Variants in PRKN observed in about 807,000 individuals in gnomAD.
PRKN encodes E3 ubiquitin-protein ligase parkin.
PRKN carries 56 observed loss-of-function variants against 59.5 expected under a neutral mutation model. The observed-to-expected ratio is 0.94, with a 90% CI of 0.76 to 1.18. The LOEUF is 1.18. Among genes scored for constraint, PRKN ranks in the 50% most tolerant of loss-of-function variants. PRKN has a pLI of 0.00. For synonymous variants in PRKN, 250 were observed against 222.1 expected, an observed-to-expected ratio of 1.13 and a Z score of -1.12; for missense variants, 657 against 596.4, an observed-to-expected ratio of 1.10 and a Z score of -1.06.
In PRKN at chr6:161,354,762, T is replaced by G. The variant is rs1298944077; in HGVS notation, c.1286-4551A>C. On this transcript the variant is annotated intron_variant, in intron 11 of 11. Coordinates refer to ENST00000366898, the MANE Select transcript of PRKN (RefSeq NM_004562.3). This position sits in a 1 kb window ranked among gnomAD's most constrained non-coding sequence, Gnocchi z 6.7. ...TCGGTTTCGGTTACAGTGATGCACT[T>G]TTAAACAGTTTAGGCCATCGCTAAT... 6.6e-6 allele frequency among the ~76,000 whole-genome samples: 1 copy of G among 152,204 alleles called. No homozygotes were observed. The highest frequency in any genetic ancestry group is 2.4e-5 in the African/African-American group (1 of 41,442).
intron 7 of PRKN, among the ~76,000 whole-genome samples, chr6:161,572,489 G>T (rs1043281400): frequency 5.3e-5 from 8 of 151,936 alleles, no homozygotes; most frequent in Admixed American, 5.2e-4. Context: ...ATGAAACGCT[G>T]TTTCTACTAA....
At chr6:162,164,471 C>A (rs1782894759) in intron 4 of PRKN, among the ~76,000 whole-genome samples, 1 of 148,716 alleles carries the variant, frequency 6.7e-6, no homozygotes, top group Non-Finnish European at 1.5e-5. Flanking sequence ...CTTGGCCTCC[C>A]AAAGTGCTAA....
intron 3 of PRKN, among the ~76,000 whole-genome samples, chr6:162,204,327 C>T (rs1432795553): frequency 6.6e-6 from 1 of 152,162 alleles, no homozygotes; most frequent in Non-Finnish European, 1.5e-5. Context: ...AACAAGTCCC[C>T]TGACCATACC....
intron 7 of PRKN, among the ~76,000 whole-genome samples, chr6:161,589,689 G>A (rs1445070228): frequency 6.6e-6 from 1 of 151,526 alleles, no homozygotes; most frequent in African/African-American, 2.4e-5. Flanking sequence ...TTCAGACACT[G>A]ATAAGCCATT....
At position 161,448,831 on chromosome 6, in the gene PRKN, T is replaced by C. The variant is rs1789605775; in HGVS notation, c.1084-61954A>G. 1.3e-5 allele frequency among the ~76,000 whole-genome samples: 2 copies of C among 152,214 alleles called. No individual in the cohort carries two copies. The highest frequency in any genetic ancestry group is 4.8e-5 in the African/African-American group (2 of 41,454). On this transcript the variant is annotated intron_variant, in intron 9 of 11. Transcript: ENST00000366898. This position sits in a 1 kb window ranked among gnomAD's most constrained non-coding sequence, Gnocchi z 5.1. ...AATCCTTATAAGCTGGAGTCCAAGTTAACCTTCCCAAATGAGTGGCACTAT... is the reference window on the plus strand; with the variant it reads ...AATCCTTATAAGCTGGAGTCCAAGTCAACCTTCCCAAATGAGTGGCACTAT...
chr6:162,189,437 G>A (rs1784175292), intron 4 of PRKN, among the ~76,000 whole-genome samples: 1 of 150,492 alleles, frequency 6.6e-6, no homozygotes, highest in African/African-American at 2.4e-5. Context: ...GATAGGCCAA[G>A]GTATACAATG....
At chr6:162,386,040 T>TA (rs940341669) in intron 2 of PRKN, among the ~76,000 whole-genome samples, 24 of 152,102 alleles carry the variant, frequency 1.6e-4, no homozygotes, top group African/African-American at 5.1e-4. Flanking sequence ...TGATTTTTTT[T>TA]AAAAAAAGAG....
In PRKN at chr6:162,011,120, AT is replaced by A. The variant is rs1421362106; in HGVS notation, c.619-37704del. Among the ~76,000 whole-genome samples the A allele has an allele frequency of 3.9e-4, 2 of 5,144 alleles. 1 individual carries two copies. The highest frequency in any genetic ancestry group is 5.3e-4 in the Non-Finnish European group (2 of 3,794). The allele number at this position is 5,144 out of a possible 152,430, so 3.4% of individuals were successfully genotyped here. On this transcript the variant is annotated intron_variant, in intron 5 of 11. Coordinates refer to ENST00000366898, the MANE Select transcript of PRKN (RefSeq NM_004562.3). ...ATAATATATTTATAATATATAATAT[AT>A]TTATAATATATAATTATAATATATA...
intron 2 of PRKN, among the ~76,000 whole-genome samples, chr6:162,384,649 A>AG (rs1405123090): frequency 1.1e-4 from 15 of 142,116 alleles, no homozygotes; most frequent in Non-Finnish European, 2.3e-4. Flanking sequence ...TCAATTTGTA[A>AG]AAAAAAAAAA....
intron 1 of PRKN, among the ~76,000 whole-genome samples, chr6:162,467,135 A>G (rs984432071): frequency 2.0e-5 from 3 of 152,124 alleles, no homozygotes; most frequent in Admixed American, 1.3e-4. Flanking sequence ...GCTGTTTAAA[A>G]ATCACACGTA....
At chr6:161,676,824 C>A (rs1468930766) in intron 7 of PRKN, among the ~76,000 whole-genome samples, 1 of 152,062 alleles carries the variant, frequency 6.6e-6, no homozygotes, top group East Asian at 1.9e-4. Context: ...GGGTGAGACA[C>A]AAGCAGGGAA....
At chr6:161,993,529 C>T (rs1423164150) in intron 5 of PRKN, among the ~76,000 whole-genome samples, 2 of 152,104 alleles carry the variant, frequency 1.3e-5, no homozygotes, top group African/African-American at 4.8e-5. Context: ...TATAGAAAAG[C>T]TAAAAGCAAT....
intron 4 of PRKN, among the ~76,000 whole-genome samples, chr6:162,076,000 A>G (rs1778811000): frequency 7.4e-6 from 1 of 134,872 alleles, no homozygotes; most frequent in Non-Finnish European, 1.5e-5. Context: ...ACAGAGTCTC[A>G]CTCTGTCACC....
At chr6:162,203,421 C>T (rs1784814050) in intron 3 of PRKN, among the ~76,000 whole-genome samples, 1 of 152,128 alleles carries the variant, frequency 6.6e-6, no homozygotes, top group Admixed American at 6.6e-5. Context: ...CAGCGCTTTT[C>T]AAGCTGTTGG....
intron 6 of PRKN, among the ~76,000 whole-genome samples, chr6:161,789,652 C>T (rs1366187913): frequency 6.6e-6 from 1 of 152,280 alleles, no homozygotes. Flanking sequence ...CTGTAATGTA[C>T]TTCAATACTG....
At position 162,262,384 on chromosome 6, in the gene PRKN, G is replaced by T. The variant is rs1779925595; in HGVS notation, c.412+141C>A. The T allele has an allele frequency of 7.4e-6, 7 of 946,512 alleles. No individual in the cohort carries two copies. The East Asian group carries it at 1.7e-4, about 23-fold the overall frequency. The allele number at this position is 946,512 out of a possible 1,614,324, so 58.6% of individuals were successfully genotyped here. ...TACATCAAAGTACTCCACCTACAGT[G>T]ATGTCTCCTTGTAGTGAATTAGAGA... On this transcript the variant is annotated intron_variant, in intron 3 of 11. Transcript: ENST00000366898.
At chr6:162,501,078 C>T (rs377585380) in intron 1 of PRKN, among the ~76,000 whole-genome samples, 5 of 152,160 alleles carry the variant, frequency 3.3e-5, no homozygotes, top group East Asian at 1.9e-4. Context: ...TGTGGCGAGA[C>T]GATTGCTTGA....
chr6:161,450,638 C>G (rs539108994), intron 9 of PRKN, among the ~76,000 whole-genome samples: 26 of 152,218 alleles, frequency 1.7e-4, no homozygotes, highest in South Asian at 6.2e-4. Flanking sequence ...CTCACTGCAA[C>G]CTCTGCCTCC....
At chr6:162,370,700 C>T (rs988742759) in intron 2 of PRKN, among the ~76,000 whole-genome samples, 1 of 152,282 alleles carries the variant, frequency 6.6e-6, no homozygotes, top group South Asian at 2.1e-4. Context: ...CTATGTAAAG[C>T]ACTACAAATG....
Sources: allele counts gnomAD v4.1 joint callset (sites outside exome capture counted in the v4.1 genomes callset), GRCh38; gene constraint gnomAD v4.1.1; non-coding constraint Gnocchi (gnomAD v3.1); transcripts MANE v1.5; gene names NCBI Gene and HGNC (gene_info 2026-07-23, HGNC 2026-07-21).